LRMDA: variants seen among roughly 807,000 people sequenced by gnomAD.
LRMDA encodes leucine-rich melanocyte differentiation-associated protein.
A neutral mutation model predicts 29.8 loss-of-function variants in LRMDA; 18 were observed. The observed-to-expected ratio is 0.60, with a 90% CI of 0.42 to 0.90. The LOEUF is 0.90. LRMDA is among the 40% of genes least tolerant of loss of function. The pLI, the probability that LRMDA is intolerant of heterozygous loss-of-function variation, is 0.00. For synonymous variants in LRMDA, 125 were observed against 109.4 expected, an observed-to-expected ratio of 1.14 and a Z score of -0.89; for missense variants, 273 against 273.9, an observed-to-expected ratio of 1.00 and a Z score of 0.02.
At chr10:75,861,512 T>A (rs1844930034) in intron 2 of LRMDA, among the ~76,000 whole-genome samples, 1 of 152,184 alleles carries the variant, frequency 6.6e-6, no homozygotes, top group Admixed American at 6.5e-5. Context: ...GTTTTTCAAA[T>A]TAAAAAAGGA....
At chr10:75,978,415 C>T (rs2132446484) in intron 2 of LRMDA, among the ~76,000 whole-genome samples, 1 of 152,318 alleles carries the variant, frequency 6.6e-6, no homozygotes, top group Admixed American at 6.5e-5. Context: ...AAGGAACAAA[C>T]AGGAGTCTCA....
At chr10:75,789,714 G>A (rs773075878) in intron 2 of LRMDA, among the ~76,000 whole-genome samples, 3 of 152,074 alleles carry the variant, frequency 2.0e-5, no homozygotes, top group Non-Finnish European at 4.4e-5. Flanking sequence ...ATTGAACATT[G>A]CACAGATGTG....
At chr10:75,490,141 G>A (rs972667959) in intron 2 of LRMDA, among the ~76,000 whole-genome samples, 2 of 152,104 alleles carry the variant, frequency 1.3e-5, no homozygotes, top group African/African-American at 2.4e-5. Context: ...TAGAGGCTCC[G>A]AGATGTTATG....
At chr10:75,626,292 G>C (rs3012040) in intron 2 of LRMDA, among the ~76,000 whole-genome samples, 103,351 of 152,006 alleles carry the variant, frequency 0.68, 35,841 homozygotes, top group East Asian at 0.79. Context: ...ATGACAGCCC[G>C]ACATCATTCC....
intron 2 of LRMDA, among the ~76,000 whole-genome samples, chr10:75,546,381 A>G (rs1226538431): frequency 6.6e-6 from 1 of 152,204 alleles, no homozygotes; most frequent in Non-Finnish European, 1.5e-5. Flanking sequence ...AAGCTTAAAA[A>G]TATGTGTACA....
intron 2 of LRMDA, among the ~76,000 whole-genome samples, chr10:75,796,707 A>G (rs977282949): frequency 6.6e-6 from 1 of 152,032 alleles, no homozygotes; most frequent in African/African-American, 2.4e-5. Flanking sequence ...CAGTTAGCTG[A>G]GATTACAAGT....
At chr10:75,913,216 T>C (rs1589250984) in intron 2 of LRMDA, among the ~76,000 whole-genome samples, 2 of 152,174 alleles carry the variant, frequency 1.3e-5, no homozygotes, top group Non-Finnish European at 2.9e-5. Flanking sequence ...CCCAGCACTT[T>C]GGGAGGCCAA....
intron 2 of LRMDA, among the ~76,000 whole-genome samples, chr10:75,912,135 A>C (rs960951816): frequency 3.9e-5 from 6 of 152,022 alleles, no homozygotes; most frequent in African/African-American, 1.5e-4. Flanking sequence ...ACACAGTGGG[A>C]ACTTGCTCAA....
At chr10:75,778,915 G>C (rs1159717792) in intron 2 of LRMDA, among the ~76,000 whole-genome samples, 2 of 152,130 alleles carry the variant, frequency 1.3e-5, no homozygotes, top group Admixed American at 1.3e-4. Context: ...GGAATAAATT[G>C]GCCTATTTGT....
chr10:76,169,908 T>A (rs967110374), intron 5 of LRMDA, among the ~76,000 whole-genome samples: 1 of 151,868 alleles, frequency 6.6e-6, no homozygotes, highest in Non-Finnish European at 1.5e-5. Context: ...TTCTAAGAGG[T>A]TTACCTCTCA....
chr10:75,870,759 A>AAAGTGCTACAAGC (rs1845095252), intron 2 of LRMDA, among the ~76,000 whole-genome samples: 1 of 151,876 alleles, frequency 6.6e-6, no homozygotes, highest in African/African-American at 2.4e-5. Context: ...ATCTTTAGCA[A>AAAGTGCTACAAGC]ACTCCCCCCT....
chr10:76,440,807 A>C (rs893781657), intron 6 of LRMDA, among the ~76,000 whole-genome samples: 3 of 152,150 alleles, frequency 2.0e-5, no homozygotes, highest in African/African-American at 7.2e-5. Context: ...TGTCATAGTT[A>C]GTATTTGGAA....
chr10:75,488,174 G>A (rs1428737591), intron 2 of LRMDA, among the ~76,000 whole-genome samples: 1 of 152,170 alleles, frequency 6.6e-6, no homozygotes, highest in Non-Finnish European at 1.5e-5. Flanking sequence ...GTCTCTCAGT[G>A]GAGGTTCTTA....
intron 2 of LRMDA, among the ~76,000 whole-genome samples, chr10:75,964,297 A>G (rs1199253380): frequency 6.6e-6 from 1 of 152,236 alleles, no homozygotes; most frequent in Non-Finnish European, 1.5e-5. Flanking sequence ...CCCTTTGGAA[A>G]GCATCCAATT....
At chr10:75,728,365 A>G (rs115613837) in intron 2 of LRMDA, among the ~76,000 whole-genome samples, 3,002 of 152,114 alleles carry the variant, frequency 0.02, 95 homozygotes, top group African/African-American at 0.068. Context: ...GGCTGTCATT[A>G]AAAAATGATG....
intron 2 of LRMDA, among the ~76,000 whole-genome samples, chr10:75,511,414 T>TACTGTGGG (rs1382296858): frequency 6.6e-6 from 1 of 152,178 alleles, no homozygotes; most frequent in Non-Finnish European, 1.5e-5. Flanking sequence ...CCCCTCAACA[T>TACTGTGGG]ACTGTGGGAC....
At position 76,410,205 on chromosome 10, in the gene LRMDA, C is replaced by T. The variant is rs1021500377; in HGVS notation, c.601+85720C>T. Reference sequence around the variant, plus strand: ...AAGGAGGTGATCGAGGAGCTAATAGCGGAGGTGCATGGGGTAAGATCATGA... The same window carrying T: ...AAGGAGGTGATCGAGGAGCTAATAGTGGAGGTGCATGGGGTAAGATCATGA... On this transcript the variant is annotated intron_variant, in intron 6 of 6. Coordinates refer to ENST00000611255, the MANE Select transcript of LRMDA (RefSeq NM_001305581.2). Among the ~76,000 whole-genome samples the T allele has an allele frequency of 6.8e-5, 10 of 147,382 alleles. No homozygotes were observed. The East Asian group carries it at 1.0e-3, about 15-fold the overall frequency.
At chr10:76,402,982 G>A (rs1251181712) in intron 6 of LRMDA, among the ~76,000 whole-genome samples, 1 of 151,888 alleles carries the variant, frequency 6.6e-6, no homozygotes, top group Non-Finnish European at 1.5e-5. Context: ...CTCAAGGACT[G>A]TTGGATTTGT....
chr10:75,538,601 G>T (rs1589174303), intron 2 of LRMDA, among the ~76,000 whole-genome samples: 4 of 96,242 alleles, frequency 4.2e-5, no homozygotes, highest in Admixed American at 3.7e-4. Flanking sequence ...GAGTAGTTTT[G>T]TTTGTTTGTT....
Sources: gnomAD v4.1 joint callset for allele counts (sites outside exome capture counted in the v4.1 genomes callset) on GRCh38, gnomAD v4.1.1 for gene constraint, MANE v1.5 for transcripts, NCBI Gene and HGNC (gene_info 2026-07-23, HGNC 2026-07-21) for gene names.